Variants in SH2D4A observed in about 807,000 individuals in gnomAD.
The protein encoded by SH2D4A is SH2 domain-containing protein 4A.
In SH2D4A, 70 loss-of-function variants were observed where a neutral mutation model predicts 64.7. That is an observed-to-expected ratio of 1.08 (90% CI 0.89 to 1.32). The LOEUF is 1.32. Ranked by LOEUF, SH2D4A falls within the 40% of genes most tolerant of loss-of-function variation. SH2D4A has a pLI of 0.00. For missense variants in SH2D4A, 706 were observed against 540.1 expected, an observed-to-expected ratio of 1.31 and a Z score of -3.04; for synonymous variants, 268 against 200.7, an observed-to-expected ratio of 1.34 and a Z score of -2.83.
intron 5 of SH2D4A, among the ~76,000 whole-genome samples, chr8:19,360,234 A>G (rs2052858804): frequency 6.6e-6 from 1 of 152,204 alleles, no homozygotes; most frequent in East Asian, 1.9e-4. Flanking sequence ...TTTTAAAGGA[A>G]TATTTACATT....
intron 8 of SH2D4A, among the ~76,000 whole-genome samples, chr8:19,375,994 C>T (rs1277710824): frequency 6.6e-6 from 1 of 152,166 alleles, no homozygotes; most frequent in Non-Finnish European, 1.5e-5. Flanking sequence ...GGTCACCTCT[C>T]CAGGCCTCCC....
intron 4 of SH2D4A, among the ~76,000 whole-genome samples, chr8:19,347,045 T>C (rs2052624214): frequency 6.6e-6 from 1 of 152,202 alleles, no homozygotes; most frequent in Non-Finnish European, 1.5e-5. Context: ...GCAAAGCTGT[T>C]GCCCTCTGTA....
In SH2D4A at chr8:19,393,490, C is replaced by G. The variant is rs746149145; in HGVS notation, c.1221C>G (p.Gly407=). ...DASADAYSFL[G]VDQLQHATLA... ...CTGCAGACGCCTACAGCTTCCTGGG[C>G]GTGGACCAGCTACAGCATGCCACCT... is the stretch of plus-strand genomic sequence containing the variant. Residue 407 remains glycine (G), a synonymous_variant, in exon 9 of 10, where the codon GGC becomes GGG. Coordinates refer to ENST00000265807, the MANE Select transcript of SH2D4A (RefSeq NM_022071.4). 1 of 1,614,184 alleles carries G rather than the reference C, an allele frequency of 6.2e-7. No individual in the cohort carries two copies. Among genetic ancestry groups the G allele is most frequent in the South Asian group, 1.1e-5 (1 of 91,082 alleles).
rs1326172095 is a variant in SH2D4A, at chr8:19,393,667, G to A, written c.1272+126G>A. 3.6e-6 allele frequency: 3 copies of A among 826,956 alleles called. No individual in the cohort carries two copies. The Admixed American group carries it at 8.2e-5, about 23-fold the overall frequency. The allele number at this position is 826,956 out of a possible 1,614,324, so 51.2% of individuals were successfully genotyped here. ...GGGGAGGGGACAGGGGTGGGGGCTT[G>A]TCTTTGATAATTCTTCCTGATAATC... On this transcript the variant is annotated intron_variant, in intron 9 of 9. Coordinates refer to ENST00000265807, the MANE Select transcript of SH2D4A (RefSeq NM_022071.4).
rs76648196 is a variant in SH2D4A at position 19,327,486 on chromosome 8, T to C, written c.182-5469T>C. Among the ~76,000 whole-genome samples, 639 of 152,272 alleles carry C rather than the reference T, an allele frequency of 4.2e-3. 4 individuals carry two copies. The highest frequency in any genetic ancestry group is 0.014 in the African/African-American group (586 of 41,562). On this transcript the variant is annotated intron_variant, in intron 2 of 9. Transcript: ENST00000265807. ...CACTGCTTACAGAAATGGGGTTCTG[T>C]GTATCTCCATTTTCAACTTCTCTTA...
At chr8:19,363,161 C>T (rs142485518) in intron 6 of SH2D4A, among the ~76,000 whole-genome samples, 5,367 of 152,104 alleles carry the variant, frequency 0.035, 169 homozygotes, top group Admixed American at 0.11. Context: ...CTGCAACCTC[C>T]GCCTCCTGGT....
intron 8 of SH2D4A, among the ~76,000 whole-genome samples, chr8:19,385,657 C>T (rs1366429162): frequency 3.3e-5 from 5 of 152,174 alleles, no homozygotes; most frequent in African/African-American, 1.2e-4. Flanking sequence ...AACTTCCCTT[C>T]TTCTACTCCT....
chr8:19,389,073 A>C (rs2053438997), intron 8 of SH2D4A, among the ~76,000 whole-genome samples: 1 of 152,214 alleles, frequency 6.6e-6, no homozygotes, highest in African/African-American at 2.4e-5. Flanking sequence ...GGAGAAACTG[A>C]GACTGACTGC....
chr8:19,367,917 C>T (rs950414495), intron 7 of SH2D4A, among the ~76,000 whole-genome samples: 1 of 152,014 alleles, frequency 6.6e-6, no homozygotes, highest in African/African-American at 2.4e-5. Flanking sequence ...TCCCTATGAA[C>T]AAATTAAAAA....
intron 1 of SH2D4A, among the ~76,000 whole-genome samples, chr8:19,318,589 C>T (rs138141745): frequency 6.6e-6 from 1 of 152,254 alleles, no homozygotes; most frequent in Non-Finnish European, 1.5e-5. Flanking sequence ...ACCTAATGAC[C>T]TCTTCATCCC....
chr8:19,365,059 G>A (rs558365333), intron 7 of SH2D4A, among the ~76,000 whole-genome samples: 6 of 152,144 alleles, frequency 3.9e-5, no homozygotes, highest in South Asian at 2.1e-4. Context: ...GAAAGAAACA[G>A]AATTGTCTAA....
intron 2 of SH2D4A, among the ~76,000 whole-genome samples, chr8:19,328,862 A>T (rs1454439044): frequency 6.6e-6 from 1 of 152,200 alleles, no homozygotes; most frequent in Non-Finnish European, 1.5e-5. Context: ...ACATAAATTG[A>T]TGTATGCATG....
At chr8:19,361,344 T>G in intron 6 of SH2D4A, 30 bp downstream of exon 6, 1 of 1,562,616 alleles carries the variant, frequency 6.4e-7, no homozygotes, top group Non-Finnish European at 8.6e-7. Context: ...CATAGCACCT[T>G]CCAGGCTCTC....
intron 4 of SH2D4A, among the ~76,000 whole-genome samples, chr8:19,351,375 G>A (rs1170116085): frequency 4.6e-5 from 7 of 152,076 alleles, no homozygotes; most frequent in Non-Finnish European, 7.4e-5. Context: ...AGGCCGAGGC[G>A]GGTGGATCAC....
At chr8:19,349,235 G>C (rs920761076) in intron 4 of SH2D4A, among the ~76,000 whole-genome samples, 1 of 152,158 alleles carries the variant, frequency 6.6e-6, no homozygotes, top group East Asian at 1.9e-4. Flanking sequence ...GCCCTAATCA[G>C]AGGGCTACAC....
At chr8:19,313,976 C>T (rs965089345) in intron 1 of SH2D4A, 153 bp downstream of exon 1, 9 of 1,251,306 alleles carry the variant, frequency 7.2e-6, no homozygotes, top group African/African-American at 1.6e-5. Flanking sequence ...CACCCCTTCG[C>T]GGCGCCCGGG....
intron 4 of SH2D4A, among the ~76,000 whole-genome samples, chr8:19,335,113 G>T (rs866954001): frequency 4.0e-5 from 6 of 151,790 alleles, no homozygotes; most frequent in African/African-American, 1.4e-4. Flanking sequence ...GAAACCCCGT[G>T]TCTACTAAAA....
At chr8:19,322,688 A>G (rs373453140) in intron 2 of SH2D4A, among the ~76,000 whole-genome samples, 1 of 148,952 alleles carries the variant, frequency 6.7e-6, no homozygotes, top group South Asian at 2.1e-4. Flanking sequence ...GTGAGATTTC[A>G]ACTCACTGCA....
At position 19,364,212 on chromosome 8, in the gene SH2D4A, C is replaced by T. The variant is rs1174605263; in HGVS notation, c.847C>T (p.Pro283Ser). 6.2e-7 allele frequency: 1 copy of T among 1,614,150 alleles called. No individual in the cohort carries two copies. The highest frequency in any genetic ancestry group is 8.5e-7 in the Non-Finnish European group (1 of 1,180,000). ...AAGCCCCTTGCGTGTTCCGCAGAAACCAGAAAGACCTCCCCTTCCACCCAA... is the reference window on the plus strand; with the variant it reads ...AAGCCCCTTGCGTGTTCCGCAGAAATCAGAAAGACCTCCCCTTCCACCCAA... ...LQSPLRVPQK[P>S]ERPPLPPKPQ... is the part of the protein sequence containing the mutation. The change falls in exon 7 of 10, where the codon CCA (proline) becomes TCA (serine). Residue 283 changes from proline (P) to serine (S), a missense_variant. Transcript: ENST00000265807.
Sources: allele counts gnomAD v4.1 joint callset (sites outside exome capture counted in the v4.1 genomes callset), GRCh38; gene constraint gnomAD v4.1.1; transcripts MANE v1.5; gene names NCBI Gene and HGNC (gene_info 2026-07-23, HGNC 2026-07-21).